SPEF2: variants seen among roughly 807,000 people sequenced by gnomAD.
SPEF2 encodes sperm flagella and cilia-associated protein 2.
A neutral mutation model predicts 224.6 loss-of-function variants in SPEF2; 187 were observed. That is an observed-to-expected ratio of 0.83 (90% CI 0.74 to 0.94). SPEF2 has a LOEUF of 0.94. SPEF2 is among the 40% of genes least tolerant of loss of function. The pLI is 0.00. For synonymous variants in SPEF2, 715 were observed against 707.3 expected (o/e 1.01, Z -0.17); for missense variants, 2,170 against 2,135.6 (o/e 1.02, Z -0.32).
chr5:35,716,747 A>G (rs1347795823), intron 20 of SPEF2, among the ~76,000 whole-genome samples: 1 of 152,134 alleles, frequency 6.6e-6, no homozygotes, highest in African/African-American at 2.4e-5. Context: ...TTATTTCTTA[A>G]TATTTCAAAT....
chr5:35,803,973 A>C (rs561270881), intron 34 of SPEF2, among the ~76,000 whole-genome samples: 1 of 152,366 alleles, frequency 6.6e-6, no homozygotes, highest in African/African-American at 2.4e-5. Flanking sequence ...GTGGATCTTT[A>C]AATAAATGAC....
At chr5:35,647,049 T>A (rs1448323103) in intron 5 of SPEF2, among the ~76,000 whole-genome samples, 1 of 151,064 alleles carries the variant, frequency 6.6e-6, no homozygotes. Flanking sequence ...TAAATGGCAG[T>A]CTGGACTCCT....
At chr5:35,632,159 A>T (rs1366792072) in intron 2 of SPEF2, among the ~76,000 whole-genome samples, 1 of 152,076 alleles carries the variant, frequency 6.6e-6, no homozygotes, top group Non-Finnish European at 1.5e-5. Flanking sequence ...GTAGTACCCC[A>T]CTCTGTCCGG....
chr5:35,665,128 G>A (rs1040570454), intron 8 of SPEF2, among the ~76,000 whole-genome samples: 2 of 151,998 alleles, frequency 1.3e-5, no homozygotes, highest in African/African-American at 2.4e-5. Flanking sequence ...ACCATAAGTG[G>A]ATGCCATCCT....
At chr5:35,663,025 G>T (rs1395127621) in intron 8 of SPEF2, among the ~76,000 whole-genome samples, 3 of 152,094 alleles carry the variant, frequency 2.0e-5, no homozygotes, top group Admixed American at 6.6e-5. Context: ...TATTTTAATA[G>T]TATTTATTTG....
At chr5:35,718,625 A>T (rs982981804) in intron 20 of SPEF2, among the ~76,000 whole-genome samples, 2 of 152,224 alleles carry the variant, frequency 1.3e-5, no homozygotes. Flanking sequence ...AGAGAATAGG[A>T]ATTATCTCCT....
chr5:35,749,805 T>A (rs962364897), intron 23 of SPEF2, among the ~76,000 whole-genome samples: 1 of 151,898 alleles, frequency 6.6e-6, no homozygotes, highest in African/African-American at 2.4e-5. Context: ...TTCAATGCAA[T>A]CCCCATCAAA....
chr5:35,674,607 T>G (rs929729442), intron 10 of SPEF2, among the ~76,000 whole-genome samples: 10 of 143,844 alleles, frequency 7.0e-5, no homozygotes, highest in Non-Finnish European at 1.3e-4. Context: ...AATTCCCACC[T>G]ATGAGTGAGA....
At chr5:35,641,811 T>G in intron 3 of SPEF2, 128 bp downstream of exon 3, 1 of 947,498 alleles carries the variant, frequency 1.1e-6, no homozygotes, top group Non-Finnish European at 1.5e-6. Context: ...TTACTGGCCA[T>G]ACTTGGGTTT....
intron 2 of SPEF2, among the ~76,000 whole-genome samples, chr5:35,634,125 A>G (rs1745507720): frequency 6.6e-6 from 1 of 152,118 alleles, no homozygotes; most frequent in Non-Finnish European, 1.5e-5. Flanking sequence ...TTTAAAATTT[A>G]TTCATGTGAT....
intron 36 of SPEF2, among the ~76,000 whole-genome samples, chr5:35,811,880 G>C (rs1432277863): frequency 3.3e-5 from 5 of 151,226 alleles, no homozygotes; most frequent in African/African-American, 7.3e-5. Context: ...CACCTCCCGG[G>C]TTCACGCCAT....
intron 33 of SPEF2, among the ~76,000 whole-genome samples, chr5:35,796,171 A>AT (rs1203048368): frequency 2.0e-5 from 3 of 152,164 alleles, no homozygotes; most frequent in Non-Finnish European, 4.4e-5. Context: ...TTTCTCTTTG[A>AT]TTTTGACTAA....
intron 34 of SPEF2, among the ~76,000 whole-genome samples, chr5:35,801,064 G>C (rs908786563): frequency 6.6e-6 from 1 of 152,212 alleles, no homozygotes; most frequent in African/African-American, 2.4e-5. Flanking sequence ...ACTAGAGCCA[G>C]AGTGAGGCCA....
chr5:35,667,593 C>A (rs1750663258), intron 9 of SPEF2, among the ~76,000 whole-genome samples: 1 of 151,998 alleles, frequency 6.6e-6, no homozygotes, highest in Admixed American at 6.6e-5. Flanking sequence ...GACTTGACAC[C>A]AAAAGCATGA....
rs768284503 is a variant in SPEF2 at position 35,806,724 on chromosome 5, A to C, written c.5028A>C (p.Ala1676=). ...PSAEKTSSTD[A]GPAEEFPEPE... is the part of the protein sequence containing the mutation. ...CTTTGCAGACCTCCTCAACTGATGC[A>C]GGTCCAGCTGAGGAATTTCCTGAAC... Residue 1676 remains alanine (A), a synonymous_variant, in exon 35 of 37, where the codon GCA becomes GCC. Transcript: ENST00000356031. 5 of 1,612,998 alleles carry C rather than the reference A, an allele frequency of 3.1e-6. No homozygotes were observed. The highest frequency in any genetic ancestry group is 4.2e-6 in the Non-Finnish European group (5 of 1,179,768).
rs778824454 is a variant in SPEF2, at chr5:35,773,994, G to A, written c.4051G>A (p.Glu1351Lys). The A allele has an allele frequency of 3.1e-6, 5 of 1,612,764 alleles. No individual in the cohort carries two copies. The Admixed American group carries it at 5.0e-5, about 16-fold the overall frequency. ...KNELRVKIKE[E>K]HLAALQFEEI... The stretch of plus-strand genomic sequence containing the variant: ...TGAACTGAGGGTCAAAATAAAAGAA[G>A]AACACCTTGCTGCCTTGCAATTTGA... Residue 1351 changes from glutamate to lysine, a missense_variant, in exon 28 of 37, where the codon GAA becomes AAA. Glu to Lys is a moderately conservative substitution (Grantham distance 56, BLOSUM62 1). Transcript: ENST00000356031.
chr5:35,780,685 T>G (rs867966885), intron 30 of SPEF2, among the ~76,000 whole-genome samples: 1 of 152,192 alleles, frequency 6.6e-6, no homozygotes, highest in African/African-American at 2.4e-5. Flanking sequence ...CTTCATTTTA[T>G]CCAGGCCATT....
At chr5:35,628,913 G>T (rs1744667953) in intron 2 of SPEF2, among the ~76,000 whole-genome samples, 2 of 152,078 alleles carry the variant, frequency 1.3e-5, no homozygotes, top group African/African-American at 4.8e-5. Context: ...TTTAAGAAAA[G>T]TTCATTTCTT....
At chr5:35,654,501 T>A in intron 6 of SPEF2, 39 bp from the exon 7 acceptor site, 1 of 1,478,072 alleles carries the variant, frequency 6.8e-7, no homozygotes, top group South Asian at 1.5e-5. Flanking sequence ...GGGATCACAT[T>A]ATTATTTAAA....
Sources: gnomAD v4.1 joint callset for allele counts (sites outside exome capture counted in the v4.1 genomes callset) on GRCh38, gnomAD v4.1.1 for gene constraint, MANE v1.5 for transcripts, NCBI Gene and HGNC (gene_info 2026-07-23, HGNC 2026-07-21) for gene names.